ANKS1B: variants seen among roughly 807,000 people sequenced by gnomAD.
ANKS1B encodes the protein ankyrin repeat and sterile alpha motif domain containing 1B, also known as ankyrin repeat and sterile alpha motif domain-containing protein 1B.
In ANKS1B, 36 loss-of-function variants were observed where a neutral mutation model predicts 148.3. That is an observed-to-expected ratio of 0.24 (90% CI 0.19 to 0.32). The LOEUF (loss-of-function observed/expected upper bound fraction) is 0.32. ANKS1B is among the 10% of genes least tolerant of loss of function. The pLI, the probability that ANKS1B is intolerant of heterozygous loss-of-function variation, is 1.00. For missense variants in ANKS1B, 1,157 were observed against 1,542.6 expected (o/e 0.75, Z 4.19); for synonymous variants, 542 against 560.8 (o/e 0.97, Z 0.47).
At chr12:99,663,802 A>G (rs375761509) in intron 8 of ANKS1B, among the ~76,000 whole-genome samples, 3 of 152,310 alleles carry the variant, frequency 2.0e-5, no homozygotes, top group East Asian at 1.9e-4. Flanking sequence ...CAAGAAAGTA[A>G]GGATAGTCTT....
chr12:98,830,456 G>C (rs1458948572), intron 18 of ANKS1B, among the ~76,000 whole-genome samples: 1 of 152,056 alleles, frequency 6.6e-6, no homozygotes, highest in Non-Finnish European at 1.5e-5. Flanking sequence ...TGTCCTCCTG[G>C]AGCCAATTCT....
intron 1 of ANKS1B, among the ~76,000 whole-genome samples, chr12:99,959,554 G>T (rs1243785997): frequency 3.3e-5 from 5 of 152,062 alleles, no homozygotes; most frequent in Admixed American, 2.0e-4. Flanking sequence ...TTTAACAGAG[G>T]TAAGTATTGT....
At chr12:99,466,643 A>G (rs1452690775) in intron 10 of ANKS1B, among the ~76,000 whole-genome samples, 12 of 151,508 alleles carry the variant, frequency 7.9e-5, no homozygotes, top group African/African-American at 2.9e-4. Flanking sequence ...AACTAACATC[A>G]GAGAATACTA....
chr12:99,494,624 T>C (rs1029344957), intron 10 of ANKS1B, among the ~76,000 whole-genome samples: 4 of 148,150 alleles, frequency 2.7e-5, no homozygotes, highest in Non-Finnish European at 5.9e-5. Flanking sequence ...TCCCAGCTAC[T>C]CGGGAGGCTG....
intron 10 of ANKS1B, among the ~76,000 whole-genome samples, chr12:99,476,415 T>C (rs1951567058): frequency 6.6e-6 from 1 of 151,768 alleles, no homozygotes; most frequent in East Asian, 1.9e-4. Flanking sequence ...AAAATAAAAA[T>C]TGAAAAGATA....
intron 19 of ANKS1B, among the ~76,000 whole-genome samples, chr12:98,809,908 T>A (rs2099081250): frequency 6.6e-6 from 1 of 151,912 alleles, no homozygotes. Context: ...ATCATAAGAG[T>A]GACAGAACAG....
chr12:99,468,424 C>A (rs1441632654), intron 10 of ANKS1B, among the ~76,000 whole-genome samples: 3 of 152,050 alleles, frequency 2.0e-5, no homozygotes, highest in Non-Finnish European at 2.9e-5. Flanking sequence ...GCAACGAAAG[C>A]CAAAATTGAC....
At chr12:98,944,329 A>T (rs1452515971) in intron 17 of ANKS1B, among the ~76,000 whole-genome samples, 1 of 138,708 alleles carries the variant, frequency 7.2e-6, no homozygotes, top group Admixed American at 7.4e-5. Flanking sequence ...AAAGCCTAGC[A>T]TCTCTCTTGC....
At chr12:99,502,788 A>G (rs891976649) in intron 10 of ANKS1B, among the ~76,000 whole-genome samples, 11 of 152,122 alleles carry the variant, frequency 7.2e-5, no homozygotes, top group Admixed American at 7.2e-4. Context: ...TAAATTTACT[A>G]TTTTCATTAC....
chr12:99,037,574 C>T (rs1193126387), intron 17 of ANKS1B, among the ~76,000 whole-genome samples: 1 of 152,084 alleles, frequency 6.6e-6, no homozygotes, highest in Non-Finnish European at 1.5e-5. Context: ...GCATCTATGG[C>T]ACACAGGCAG....
chr12:99,408,079 C>G (rs1163166245), intron 11 of ANKS1B, among the ~76,000 whole-genome samples: 1 of 146,148 alleles, frequency 6.8e-6, no homozygotes, highest in Admixed American at 6.8e-5. Flanking sequence ...GGAGGAATCA[C>G]ATTGCCTGAC....
chr12:99,179,252 C>A (rs1361583868), intron 14 of ANKS1B, among the ~76,000 whole-genome samples: 2 of 151,820 alleles, frequency 1.3e-5, no homozygotes, highest in African/African-American at 2.4e-5. Flanking sequence ...CACGGTGAAA[C>A]CCCGTCTCTA....
chr12:99,181,009 A>T (rs1448721732), intron 14 of ANKS1B, among the ~76,000 whole-genome samples: 1 of 152,132 alleles, frequency 6.6e-6, no homozygotes, highest in Non-Finnish European at 1.5e-5. Flanking sequence ...CCCAGTTTAC[A>T]TCCATTAGAG....
At position 99,220,978 on chromosome 12, in the gene ANKS1B, T is replaced by C. The variant is rs547296389; in HGVS notation, c.2419+23364A>G. Among the ~76,000 whole-genome samples, 6 of 152,268 alleles carry C rather than the reference T, an allele frequency of 3.9e-5. 1 individual carries two copies. The South Asian group carries it at 1.2e-3, about 32-fold the overall frequency. On this transcript the variant is annotated intron_variant, in intron 14 of 26. Transcript: ENST00000683438. ...GAAGTGAGGGAGGCCTTTTTAATAA[T>C]AATACAACATTTTGAAACCATTCAT...
intron 8 of ANKS1B, among the ~76,000 whole-genome samples, chr12:99,709,108 T>C (rs1044979007): frequency 7.9e-5 from 12 of 152,148 alleles, no homozygotes; most frequent in African/African-American, 2.7e-4. Context: ...TGGGTCAATA[T>C]TATCTTGGCA....
chr12:98,848,836 T>C (rs1233478710), intron 17 of ANKS1B, among the ~76,000 whole-genome samples: 3 of 141,032 alleles, frequency 2.1e-5, no homozygotes, highest in Non-Finnish European at 4.5e-5. Context: ...CCTCCCAGAT[T>C]TAAACGATTC....
At chr12:99,331,277 A>C (rs1302386077) in intron 12 of ANKS1B, among the ~76,000 whole-genome samples, 1 of 151,958 alleles carries the variant, frequency 6.6e-6, no homozygotes, top group Non-Finnish European at 1.5e-5. Flanking sequence ...ACAGTACTCT[A>C]ATATGGGGCT....
rs535992598 is a variant in ANKS1B, at chr12:99,384,464, T to C, written c.1756+15167A>G. On this transcript the variant is annotated intron_variant, in intron 12 of 26. Transcript: ENST00000683438. Reference sequence around the variant, plus strand: ...TTTATGCTAGGTACTGCCATCTGTATTATCTTGAAAAATAGAAGAATCTCT... The same window carrying C: ...TTTATGCTAGGTACTGCCATCTGTACTATCTTGAAAAATAGAAGAATCTCT... Among the ~76,000 whole-genome samples, 14 of 152,332 alleles carry C rather than the reference T, an allele frequency of 9.2e-5. No individual in the cohort carries two copies. In the South Asian group the frequency reaches 2.9e-3, roughly 32 times the overall value.
chr12:99,268,701 T>C (rs2076708744), intron 12 of ANKS1B, among the ~76,000 whole-genome samples: 1 of 152,242 alleles, frequency 6.6e-6, no homozygotes, highest in Admixed American at 6.5e-5. Flanking sequence ...TTTCCTTTTT[T>C]ATTCTAAATT....
Sources: gnomAD v4.1 joint callset for allele counts (sites outside exome capture counted in the v4.1 genomes callset) on GRCh38, gnomAD v4.1.1 for gene constraint, MANE v1.5 for transcripts, NCBI Gene and HGNC (gene_info 2026-07-23, HGNC 2026-07-21) for gene names.